The following COL27A1 variants were observed in gnomAD, a reference collection of about 807,000 sequenced individuals.
COL27A1 encodes the protein collagen type XXVII alpha 1 chain, also known as collagen alpha-1(XXVII) chain.
COL27A1 carries 106 observed loss-of-function variants against 251.3 expected under a neutral mutation model. The ratio of observed to expected loss-of-function variants is 0.42; its 90% CI spans 0.36 to 0.50. The LOEUF is 0.50. Ranked by LOEUF, COL27A1 falls within the 20% of genes least tolerant of loss-of-function variation. The pLI is 0.00. For missense variants in COL27A1, 2,325 were observed against 2,522.8 expected (o/e 0.92, Z 1.68); for synonymous variants, 1,000 against 986.3 (o/e 1.01, Z -0.26).
intron 45 of COL27A1, 96 bp from the exon 46 acceptor site, chr9:114,289,962 C>A: frequency 7.3e-7 from 1 of 1,362,180 alleles, no homozygotes. Flanking sequence ...GATGTTCACC[C>A]AGGGGCCCAC....
Position 114,209,727 on chromosome 9 carries a change from G to A in COL27A1, c.2321G>A (p.Arg774Gln), listed in dbSNP as rs369011505. 6.2e-6 allele frequency: 10 copies of A among 1,613,980 alleles called. No homozygotes were observed. The highest frequency in any genetic ancestry group is 3.3e-5 in the South Asian group (3 of 91,086). Residue 774 changes from arginine to glutamine, a missense_variant and splice_region_variant, in exon 11 of 61, where the codon CGA (arginine) becomes CAA (glutamine). Coordinates refer to ENST00000356083, the MANE Select transcript of COL27A1 (RefSeq NM_032888.4). ...LFGLPGSDGE[R>Q]GLPGVPGKRG... ...GGCCTGCCAGGGTCTGATGGAGAAC[G>A]AGTAAGTTTGCTTCTTTGGTTATTC...
intron 22 of COL27A1, 111 bp downstream of exon 22, chr9:114,242,342 T>C (rs1156722240): frequency 2.2e-6 from 2 of 907,198 alleles, no homozygotes; most frequent in Non-Finnish European, 3.3e-6. Context: ...GTGAGGGCCT[T>C]GGACCAGCCA....
At position 114,288,497 on chromosome 9, in the gene COL27A1, C is replaced by A; in HGVS notation, c.4030C>A (p.Pro1344Thr). 1 of 1,607,414 alleles carries A rather than the reference C, an allele frequency of 6.2e-7. No individual in the cohort carries two copies. Among genetic ancestry groups the A allele is most frequent in the African/African-American group, 1.3e-5 (1 of 75,038 alleles). The part of the protein sequence containing the change: ...EDGKAEGPPG[P>T]PGDRGPVGDR... The stretch of plus-strand genomic sequence containing the variant: ...CGGCAAGGCTGAGGGGCCCCCTGGG[C>A]CACCTGGAGATCGGGTAAGCCCCCT... The change falls in exon 42 of 61, where the codon CCA becomes ACA. Residue 1344 changes from proline (P) to threonine (T), a missense_variant. Around this residue, in one of 4 missense-constraint regions of COL27A1, gnomAD observed 662 missense variants for 795.3 expected, o/e 0.83. Transcript: ENST00000356083.
intron 16 of COL27A1, among the ~76,000 whole-genome samples, chr9:114,233,860 A>G (rs1242182741): frequency 6.6e-6 from 1 of 152,152 alleles, no homozygotes; most frequent in East Asian, 1.9e-4. Flanking sequence ...AGAGGGGGAG[A>G]AAGAAACCCC....
At chr9:114,232,657 C>T (rs1832049759) in intron 16 of COL27A1, among the ~76,000 whole-genome samples, 1 of 152,222 alleles carries the variant, frequency 6.6e-6, no homozygotes, top group Admixed American at 6.5e-5. Flanking sequence ...TGACACCGCA[C>T]CTGTCTCTAG....
chr9:114,215,494 G>A (rs983177367), intron 12 of COL27A1, among the ~76,000 whole-genome samples: 3 of 152,222 alleles, frequency 2.0e-5, no homozygotes, highest in Admixed American at 6.5e-5. Context: ...CCCCTGAGGC[G>A]ACTTTTCTTG....
chr9:114,187,298 G>A (rs1457258951), intron 5 of COL27A1, among the ~76,000 whole-genome samples: 1 of 152,208 alleles, frequency 6.6e-6, no homozygotes, highest in Non-Finnish European at 1.5e-5. Context: ...CCCACCCTGG[G>A]CCTCAGCCAC....
In COL27A1 at chr9:114,168,296, A is replaced by T. The variant is rs1329329004; in HGVS notation, c.741A>T (p.Gly247=). ...GQADTYQSPL[G]PLFSQDSGRP... ...CTGACACGTACCAGTCCCCACTGGG[A>T]CCTCTCTTCTCCCAAGACTCTGGCA... is the stretch of plus-strand genomic sequence containing the variant. Residue 247 remains glycine (G), a synonymous_variant, in exon 3 of 61, where the codon GGA becomes GGT. Transcript: ENST00000356083. 1 of 1,613,248 alleles carries T rather than the reference A, an allele frequency of 6.2e-7. No individual in the cohort carries two copies. Among genetic ancestry groups the T allele is most frequent in the Non-Finnish European group, 8.5e-7 (1 of 1,179,944 alleles).
chr9:114,246,238 G>T, intron 24 of COL27A1: 1 of 254,580 alleles, frequency 3.9e-6, no homozygotes. Context: ...GGCAGTCGTT[G>T]CTCGTGTTCC....
chr9:114,234,590 T>C (rs1542737), intron 16 of COL27A1, among the ~76,000 whole-genome samples: 112,961 of 151,956 alleles, frequency 0.74, 42,405 homozygotes, highest in South Asian at 0.85. Context: ...CTGTTCAGAA[T>C]ATGGCTAAAA....
At chr9:114,226,957 T>C (rs1831512588) in intron 14 of COL27A1, among the ~76,000 whole-genome samples, 1 of 152,200 alleles carries the variant, frequency 6.6e-6, no homozygotes, top group Non-Finnish European at 1.5e-5. Flanking sequence ...AGCAGGGGCA[T>C]GACCTGGTCT....
rs753580264 is a variant in COL27A1 at position 114,168,612 on chromosome 9, G to A, written c.1057G>A (p.Ala353Thr). ...GSTRTPRPAA[A>T]QPSQKITATK... ...TACCAGAACGCCTCGCCCTGCGGCC[G>A]CTCAACCATCACAGAAGATCACAGC... The change falls in exon 3 of 61, where the codon GCT becomes ACT. Residue 353 changes from alanine (A) to threonine (T), a missense_variant. Physicochemically the swap from Ala to Thr is moderately conservative, Grantham distance 58. Around this residue, in one of 4 missense-constraint regions of COL27A1, gnomAD observed 1,183 missense variants for 1,144.1 expected, o/e 1.03. Coordinates refer to ENST00000356083, the MANE Select transcript of COL27A1 (RefSeq NM_032888.4). 1.5e-5 allele frequency: 25 copies of A among 1,614,008 alleles called. No individual in the cohort carries two copies. Among genetic ancestry groups the A allele is most frequent in the East Asian group, 4.5e-5 (2 of 44,888 alleles).
At chr9:114,234,212 T>TAAAA (rs11415885) in intron 16 of COL27A1, among the ~76,000 whole-genome samples, 2 of 89,368 alleles carry the variant, frequency 2.2e-5, no homozygotes, top group African/African-American at 4.7e-5. Context: ...TCTTGGACAT[T>TAAAA]AAAAAAAAAA....
intron 23 of COL27A1, 66 bp from the exon 24 acceptor site, chr9:114,245,799 GA>G: frequency 2.0e-6 from 3 of 1,488,092 alleles, no homozygotes; most frequent in East Asian, 4.5e-5. Flanking sequence ...GCAGGCCTGG[GA>G]CTTCCCCAGG....
intron 12 of COL27A1, among the ~76,000 whole-genome samples, chr9:114,218,847 C>T (rs1369014088): frequency 6.6e-6 from 1 of 152,048 alleles, no homozygotes; most frequent in Non-Finnish European, 1.5e-5. Flanking sequence ...CACTGGACTC[C>T]TCCAGTAGTA....
At chr9:114,250,765 C>A in intron 25 of COL27A1, 97 bp downstream of exon 25, 3 of 1,061,034 alleles carry the variant, frequency 2.8e-6, no homozygotes, top group Non-Finnish European at 2.9e-6. Context: ...TTTCAGAATA[C>A]CCTCCCCTAG....
intron 34 of COL27A1, among the ~76,000 whole-genome samples, chr9:114,267,854 C>T (rs1834853568): frequency 6.6e-6 from 1 of 152,192 alleles, no homozygotes; most frequent in African/African-American, 2.4e-5. Context: ...CCCTTCATTA[C>T]CTGCTGAGAA....
At chr9:114,292,625 A>C (rs1828002448) in intron 49 of COL27A1, among the ~76,000 whole-genome samples, 1 of 152,244 alleles carries the variant, frequency 6.6e-6, no homozygotes, top group South Asian at 2.1e-4. Context: ...CACAACAAAC[A>C]GTTTCAATAC....
chr9:114,207,676 C>T (rs1006007482), intron 10 of COL27A1, among the ~76,000 whole-genome samples: 4 of 152,202 alleles, frequency 2.6e-5, no homozygotes, highest in Admixed American at 6.5e-5. Context: ...GCCCTTCCAA[C>T]CCTGCCACCA....
Sources: allele counts gnomAD v4.1 joint callset (sites outside exome capture counted in the v4.1 genomes callset), GRCh38; gene constraint gnomAD v4.1.1; regional missense constraint gnomAD v4.1.1; transcripts MANE v1.5; gene names NCBI Gene and HGNC (gene_info 2026-07-23, HGNC 2026-07-21).